TMEM131L: variants seen among roughly 807,000 people sequenced by gnomAD.
TMEM131L encodes the protein transmembrane 131 like.
Under a neutral mutation model 192.2 loss-of-function variants are expected in TMEM131L, and 54 were observed. That is an observed-to-expected ratio of 0.28 (90% CI 0.23 to 0.35). The LOEUF (loss-of-function observed/expected upper bound fraction) is 0.35. Ranked by LOEUF, TMEM131L falls within the 10% of genes least tolerant of loss-of-function variation. The pLI is 1.00. For missense variants in TMEM131L, 1,888 were observed against 1,972.9 expected, an observed-to-expected ratio of 0.96 and a Z score of 0.82; for synonymous variants, 701 against 704.9, an observed-to-expected ratio of 0.99 and a Z score of 0.09.
chr4:153,632,861 G>T, intron 32 of TMEM131L, 23 bp downstream of exon 32: 1 of 1,613,722 alleles, frequency 6.2e-7, no homozygotes, highest in Non-Finnish European at 8.5e-7. Context: ...TTCTCTGATT[G>T]GTGCCTTGCT....
rs1731392340 is a variant in TMEM131L at position 153,595,762 on chromosome 4, GAATA to G, written c.1996-489_1996-486del. Reference sequence around the variant, plus strand: ...TCTTGGAGAAAATAGAGGAAGATGTGAATAAATAAAGATCTTTCTTCTGACTGGA... The same window carrying G: ...TCTTGGAGAAAATAGAGGAAGATGTGAATAAAGATCTTTCTTCTGACTGGA... On this transcript the variant is annotated intron_variant, in intron 19 of 34. Transcript: ENST00000409959. Among the ~76,000 whole-genome samples the G allele has an allele frequency of 2.0e-5, 3 of 149,712 alleles. No homozygotes were observed. In the South Asian group the frequency reaches 6.3e-4, roughly 31 times the overall value.
chr4:153,624,254 G>A (rs1733671336), intron 29 of TMEM131L, among the ~76,000 whole-genome samples: 1 of 151,950 alleles, frequency 6.6e-6, no homozygotes, highest in African/African-American at 2.4e-5. Context: ...AAGTAGCTGG[G>A]GTTACAGGCA....
intron 25 of TMEM131L, among the ~76,000 whole-genome samples, chr4:153,610,926 CT>C (rs1355249024): frequency 1.3e-5 from 2 of 152,118 alleles, no homozygotes; most frequent in Non-Finnish European, 2.9e-5. Flanking sequence ...GTTAGGGATT[CT>C]TAGTTCAAGA....
chr4:153,634,499 G>C (rs1452259872), intron 33 of TMEM131L, among the ~76,000 whole-genome samples: 2 of 152,142 alleles, frequency 1.3e-5, no homozygotes, highest in South Asian at 2.1e-4. Context: ...GTGTCTGGGG[G>C]CTTCAAAAAT....
intron 15 of TMEM131L, among the ~76,000 whole-genome samples, chr4:153,588,621 C>T (rs1298339474): frequency 6.6e-6 from 1 of 151,908 alleles, no homozygotes; most frequent in Non-Finnish European, 1.5e-5. Flanking sequence ...AATTTTGTTT[C>T]AGGCTGTATT....
intron 3 of TMEM131L, among the ~76,000 whole-genome samples, chr4:153,501,966 T>TTTA (rs1472866036): frequency 6.7e-6 from 1 of 148,366 alleles, no homozygotes; most frequent in Non-Finnish European, 1.5e-5. Context: ...TTTTTTTTTT[T>TTTA]AAATGGAGAC....
At chr4:153,633,673 C>T (rs1462896374) in intron 32 of TMEM131L, among the ~76,000 whole-genome samples, 1 of 152,102 alleles carries the variant, frequency 6.6e-6, no homozygotes, top group Non-Finnish European at 1.5e-5. Flanking sequence ...TCACAGAATC[C>T]ATTTGATGGT....
Position 153,558,238 on chromosome 4 carries a change from TTC to T in TMEM131L, c.550-12_550-11del. Reference sequence around the variant, plus strand: ...TTTAAAACTCTTAACAGAGGAGCAATTCTCTCTCTTTTTCCGCAGGTATCTGG... The same window carrying T: ...TTTAAAACTCTTAACAGAGGAGCAATTCTCTCTTTTTCCGCAGGTATCTGG... On this transcript the variant is annotated intron_variant, in intron 6 of 34. Transcript: ENST00000409959. The T allele has an allele frequency of 1.5e-6, 2 of 1,331,382 alleles. No individual in the cohort carries two copies. Among genetic ancestry groups the T allele is most frequent in the East Asian group, 2.3e-5 (1 of 42,834 alleles). The allele number at this position is 1,331,382 out of a possible 1,614,324, so 82.5% of individuals were successfully genotyped here.
chr4:153,476,251 G>A (rs1731530485), intron 3 of TMEM131L, among the ~76,000 whole-genome samples: 1 of 152,076 alleles, frequency 6.6e-6, no homozygotes, highest in African/African-American at 2.4e-5. Context: ...GAGCCACCAC[G>A]CCTGGCCTGA....
At chr4:153,515,950 G>A (rs904030252) in intron 3 of TMEM131L, among the ~76,000 whole-genome samples, 7 of 148,102 alleles carry the variant, frequency 4.7e-5, no homozygotes, top group Non-Finnish European at 8.9e-5. Context: ...TCACTGTGTT[G>A]CCCAGGCTGA....
At chr4:153,614,321 T>C (rs1732827156) in intron 26 of TMEM131L, among the ~76,000 whole-genome samples, 1 of 152,190 alleles carries the variant, frequency 6.6e-6, no homozygotes, top group Non-Finnish European at 1.5e-5. Flanking sequence ...AATGGTGACA[T>C]AGGCTAAGTG....
In TMEM131L at chr4:153,485,235, AAGG is replaced by A. The variant is rs560369027; in HGVS notation, c.239+11348_239+11350del. On this transcript the variant is annotated intron_variant, in intron 3 of 34. Coordinates refer to ENST00000409959, the MANE Select transcript of TMEM131L (RefSeq NM_001131007.2). ...CTTCTAGTACAATTTATGTTTCAGG[AAGG>A]TGGCCATATTTAATTCATTGCGTTG... Among the ~76,000 whole-genome samples the A allele has an allele frequency of 5.7e-3, 874 of 152,034 alleles. 7 individuals carry two copies. The highest frequency in any genetic ancestry group is 0.02 in the African/African-American group (824 of 41,432).
chr4:153,603,186 A>G, intron 23 of TMEM131L, 117 bp from the exon 24 acceptor site: 5 of 840,652 alleles, frequency 5.9e-6, no homozygotes, highest in Non-Finnish European at 8.8e-6. Context: ...AGGGAATTTT[A>G]ATACTGCATC....
chr4:153,509,063 G>A (rs981758473), intron 3 of TMEM131L, among the ~76,000 whole-genome samples: 2 of 152,044 alleles, frequency 1.3e-5, no homozygotes, highest in African/African-American at 4.8e-5. Context: ...TTAAAAAGAG[G>A]GCCGGGTGTG....
At chr4:153,534,809 A>T (rs1282482554) in intron 3 of TMEM131L, among the ~76,000 whole-genome samples, 1 of 152,174 alleles carries the variant, frequency 6.6e-6, no homozygotes, top group Non-Finnish European at 1.5e-5. Flanking sequence ...AGATAGAGAG[A>T]ACAGCCACTG....
chr4:153,481,619 T>A (rs1340412702), intron 3 of TMEM131L, among the ~76,000 whole-genome samples: 1 of 152,232 alleles, frequency 6.6e-6, no homozygotes, highest in African/African-American at 2.4e-5. Flanking sequence ...CACTGCAACC[T>A]CCGCCTCCTG....
Position 153,524,257 on chromosome 4 carries a change from C to G in TMEM131L, c.240-25816C>G, listed in dbSNP as rs181924408. Among the ~76,000 whole-genome samples, 22 of 152,032 alleles carry G rather than the reference C, an allele frequency of 1.4e-4. No individual in the cohort carries two copies. In the East Asian group the frequency reaches 4.3e-3, roughly 29 times the overall value. ...GGAGTTCCCTTCCAGGGCATGTAGC[C>G]CAAGGACTCTGATGGACCTGCCCTA... On this transcript the variant is annotated intron_variant, in intron 3 of 34. Transcript: ENST00000409959.
At chr4:153,477,887 T>C (rs1384480670) in intron 3 of TMEM131L, among the ~76,000 whole-genome samples, 4 of 152,144 alleles carry the variant, frequency 2.6e-5, no homozygotes, top group Non-Finnish European at 5.9e-5. Context: ...ATATTCAGAG[T>C]TGTATAACTG....
At chr4:153,502,998 G>A (rs909363980) in intron 3 of TMEM131L, among the ~76,000 whole-genome samples, 3 of 150,790 alleles carry the variant, frequency 2.0e-5, no homozygotes, top group African/African-American at 4.9e-5. Context: ...TACTCTTCCT[G>A]ACCATGTTTA....
Sources: gnomAD v4.1 joint callset for allele counts (sites outside exome capture counted in the v4.1 genomes callset) on GRCh38, gnomAD v4.1.1 for gene constraint, MANE v1.5 for transcripts, NCBI Gene and HGNC (gene_info 2026-07-23, HGNC 2026-07-21) for gene names.